The following VAV2 variants were observed in gnomAD, a reference collection of about 807,000 sequenced individuals.
VAV2 encodes the protein vav guanine nucleotide exchange factor 2.
A neutral mutation model predicts 132.5 loss-of-function variants in VAV2; 67 were observed. The observed-to-expected ratio is 0.51, with a 90% CI of 0.42 to 0.62. VAV2 has a LOEUF of 0.62. Ranked by LOEUF, VAV2 falls within the 20% of genes least tolerant of loss-of-function variation. VAV2 has a pLI of 0.00. For missense variants in VAV2, 938 were observed against 1,153.6 expected, an observed-to-expected ratio of 0.81 and a Z score of 2.71; for synonymous variants, 492 against 443.5, an observed-to-expected ratio of 1.11 and a Z score of -1.37.
At chr9:133,765,709 A>T (rs1392781177) in intron 29 of VAV2, among the ~76,000 whole-genome samples, 2 of 152,210 alleles carry the variant, frequency 1.3e-5, no homozygotes, top group Non-Finnish European at 2.9e-5. Context: ...ACAGTGGATT[A>T]GATAATTGTA....
Position 133,804,405 on chromosome 9 carries a change from C to T in VAV2, c.836+1676G>A, listed in dbSNP as rs975617191. Among the ~76,000 whole-genome samples the T allele has an allele frequency of 3.9e-5, 6 of 152,210 alleles. No homozygotes were observed. Among genetic ancestry groups the T allele is most frequent in the South Asian group, 2.1e-4 (1 of 4,832 alleles). ...GGACGTGCTGCCCGCACTGCAGTGGCGCTCCAAGGCAGAGATGCCCGCTGT... is the reference window on the plus strand; with the variant it reads ...GGACGTGCTGCCCGCACTGCAGTGGTGCTCCAAGGCAGAGATGCCCGCTGT... On this transcript the variant is annotated intron_variant, in intron 9 of 29. Transcript: ENST00000371850. The surrounding 1 kb of genome is among the most constrained non-coding windows in gnomAD (Gnocchi z 4.5).
chr9:133,954,261 TGCCCATCTGTCCATCC>T (rs1564496628), intron 1 of VAV2, among the ~76,000 whole-genome samples: 1 of 152,218 alleles, frequency 6.6e-6, no homozygotes, highest in Non-Finnish European at 1.5e-5. Flanking sequence ...TCTGTCCATC[TGCCCATCTGTCCATCC>T]GCCCACCAGC....
At chr9:133,882,005 A>T (rs1182427268) in intron 2 of VAV2, among the ~76,000 whole-genome samples, 2 of 152,166 alleles carry the variant, frequency 1.3e-5, no homozygotes, top group East Asian at 3.9e-4. Context: ...CAAGGTTTCA[A>T]CCTAGTCTCC....
rs1833358402 is a variant in VAV2 at position 133,764,174 on chromosome 9, C to CTAT, written c.2590-68_2590-66dup. On this transcript the variant is annotated intron_variant, in intron 29 of 29. Coordinates refer to ENST00000371850, the MANE Select transcript of VAV2 (RefSeq NM_001134398.2). ...TGTGTGTAAGCAGGTGTGTGCATGT[C>CTAT]TATGTTGGGGTGAGGGCAAGTAGAG... 14 of 1,605,862 alleles carry CTAT rather than the reference C, an allele frequency of 8.7e-6. No individual in the cohort carries two copies. The South Asian group carries it at 1.4e-4, about 16-fold the overall frequency.
rs892867769 is a variant in VAV2 at position 133,879,674 on chromosome 9, A to T, written c.322-18242T>A. Among the ~76,000 whole-genome samples, 1 of 152,226 alleles carries T rather than the reference A, an allele frequency of 6.6e-6. No individual in the cohort carries two copies. Among genetic ancestry groups the T allele is most frequent in the Non-Finnish European group, 1.5e-5 (1 of 68,036 alleles). On this transcript the variant is annotated intron_variant, in intron 2 of 29. Coordinates refer to ENST00000371850, the MANE Select transcript of VAV2 (RefSeq NM_001134398.2). The surrounding 1 kb of genome is among the most constrained non-coding windows in gnomAD (Gnocchi z 4.4). Reference sequence around the variant, plus strand: ...CCAGGACGAACAGCACTGCTGGCTCAGATGAACCACCAAGAACCTGCTCTC... The same window carrying T: ...CCAGGACGAACAGCACTGCTGGCTCTGATGAACCACCAAGAACCTGCTCTC...
intron 2 of VAV2, among the ~76,000 whole-genome samples, chr9:133,922,096 C>T (rs572637462): frequency 1.3e-5 from 2 of 152,234 alleles, no homozygotes; most frequent in Non-Finnish European, 2.9e-5. Context: ...TAGGGGGACC[C>T]GGACCCGGCT....
intron 1 of VAV2, among the ~76,000 whole-genome samples, chr9:133,949,035 G>T (rs1387865913): frequency 6.6e-6 from 1 of 152,154 alleles, no homozygotes; most frequent in Non-Finnish European, 1.5e-5. Context: ...CACAGGCTCT[G>T]TCGGTGGGTG....
chr9:133,780,877 G>A (rs1833984908), intron 19 of VAV2, among the ~76,000 whole-genome samples, 167 bp from the exon 20 acceptor site: 1 of 152,240 alleles, frequency 6.6e-6, no homozygotes, highest in African/African-American at 2.4e-5. Flanking sequence ...ACAGGTCCGA[G>A]CTCATGGCTG....
In VAV2 at chr9:133,848,821, C is replaced by A. The variant is rs149547446; in HGVS notation, c.380+12553G>T. Among the ~76,000 whole-genome samples, 480 of 152,362 alleles carry A rather than the reference C, an allele frequency of 3.2e-3. 1 individual carries two copies. Among genetic ancestry groups the A allele is most frequent in the African/African-American group, 0.011 (457 of 41,586 alleles). On this transcript the variant is annotated intron_variant, in intron 3 of 29. Coordinates refer to ENST00000371850, the MANE Select transcript of VAV2 (RefSeq NM_001134398.2). ...CCATCCCATGGCAGCCTGGCACCGG[C>A]TGTGCAGTCACCCAGGCCCGTGTTT...
chr9:133,842,605 G>A (rs571870491), intron 3 of VAV2, among the ~76,000 whole-genome samples: 2 of 152,108 alleles, frequency 1.3e-5, no homozygotes, highest in Non-Finnish European at 2.9e-5. Flanking sequence ...TTATGGTGCT[G>A]ACACTATCGG....
intron 3 of VAV2, among the ~76,000 whole-genome samples, chr9:133,837,643 G>A (rs1836523616): frequency 6.6e-6 from 1 of 151,164 alleles, no homozygotes; most frequent in Non-Finnish European, 1.5e-5. Context: ...AGGTTGCTGT[G>A]AGCCAAGATC....
Position 133,788,227 on chromosome 9 carries a change from C to T in VAV2, c.1407+127G>A, listed in dbSNP as rs1049624781. ...CCTTCCTGCAGAGCGGAGACGCCCACCCCAACCCACCCGGCCAGCATCAGC... is the reference window on the plus strand; with the variant it reads ...CCTTCCTGCAGAGCGGAGACGCCCATCCCAACCCACCCGGCCAGCATCAGC... On this transcript the variant is annotated intron_variant, in intron 15 of 29. Coordinates refer to ENST00000371850, the MANE Select transcript of VAV2 (RefSeq NM_001134398.2). This position sits in a 1 kb window ranked among gnomAD's most constrained non-coding sequence, Gnocchi z 5.3. 2.4e-5 allele frequency: 17 copies of T among 716,218 alleles called. No individual in the cohort carries two copies. The highest frequency in any genetic ancestry group is 3.2e-5 in the Non-Finnish European group (14 of 439,328). The allele number at this position is 716,218 out of a possible 1,614,324, so 44.4% of individuals were successfully genotyped here.
At chr9:133,845,807 G>A (rs1836911554) in intron 3 of VAV2, among the ~76,000 whole-genome samples, 1 of 152,238 alleles carries the variant, frequency 6.6e-6, no homozygotes, top group Non-Finnish European at 1.5e-5. Context: ...CAGCCCTGGT[G>A]AGACAGGGAT....
rs1449702526 is a variant in VAV2 at position 133,763,501 on chromosome 9, C to T, written c.*561G>A. 1 of 153,720 alleles carries T rather than the reference C, an allele frequency of 6.5e-6. No individual in the cohort carries two copies. The highest frequency in any genetic ancestry group is 1.5e-5 in the Non-Finnish European group (1 of 68,848). 9.5% of individuals were successfully genotyped at this position (153,720 alleles called of 1,614,324 possible). On this transcript the variant is annotated 3_prime_UTR_variant, in exon 30 of 30. Transcript: ENST00000371850. The surrounding 1 kb of genome is among the most constrained non-coding windows in gnomAD (Gnocchi z 6.8). ...GCAGAGGGCGACCACAGTGCTCTCTCCTCCCGCGCCCTAGCACAGTGGGGC... is the reference window on the plus strand; with the variant it reads ...GCAGAGGGCGACCACAGTGCTCTCTTCTCCCGCGCCCTAGCACAGTGGGGC...
chr9:133,847,218 G>C (rs368239771), intron 3 of VAV2, among the ~76,000 whole-genome samples: 3 of 152,060 alleles, frequency 2.0e-5, no homozygotes, highest in African/African-American at 7.3e-5. Context: ...CGACGTGCAG[G>C]GTTCCCATCC....
At chr9:133,829,174 C>T (rs1022263180) in intron 4 of VAV2, among the ~76,000 whole-genome samples, 1 of 152,240 alleles carries the variant, frequency 6.6e-6, no homozygotes, top group Non-Finnish European at 1.5e-5. Context: ...TATGCAAATG[C>T]AAGGTACTGA....
intron 6 of VAV2, 35 bp from the exon 7 acceptor site, chr9:133,809,173 T>C (rs1258440507): frequency 3.8e-6 from 6 of 1,593,082 alleles, no homozygotes; most frequent in Non-Finnish European, 5.2e-6. Flanking sequence ...CAGGACCCCA[T>C]GGGCCCGGCC....
chr9:133,854,418 A>G (rs894371819), intron 3 of VAV2, among the ~76,000 whole-genome samples: 1 of 152,262 alleles, frequency 6.6e-6, no homozygotes, highest in African/African-American at 2.4e-5. Flanking sequence ...CCATGGCTGG[A>G]CGAATGCAAA....
chr9:133,898,026 G>C (rs1300758453), intron 2 of VAV2, among the ~76,000 whole-genome samples: 1 of 152,110 alleles, frequency 6.6e-6, no homozygotes, highest in African/African-American at 2.4e-5. Flanking sequence ...ACTCTGCCCA[G>C]ACAGACCACG....
Sources: gnomAD v4.1 joint callset for allele counts (sites outside exome capture counted in the v4.1 genomes callset) on GRCh38, gnomAD v4.1.1 for gene constraint, Gnocchi (gnomAD v3.1) non-coding constraint, MANE v1.5 for transcripts, NCBI Gene and HGNC (gene_info 2026-07-23, HGNC 2026-07-21) for gene names.